The following DST variants were observed in gnomAD, a reference collection of about 807,000 sequenced individuals.
The protein encoded by DST is bullous pemphigoid antigen.
Under a neutral mutation model 875.2 loss-of-function variants are expected in DST, and 253 were observed. That is an observed-to-expected ratio of 0.29 (90% CI 0.26 to 0.32). The LOEUF is 0.32. Among genes scored for constraint, DST ranks in the 10% least tolerant of loss-of-function variants. The pLI is 1.00. For missense variants in DST, 8,287 were observed against 9,111.6 expected, an observed-to-expected ratio of 0.91 and a Z score of 3.68; for synonymous variants, 3,124 against 3,197.1, an observed-to-expected ratio of 0.98 and a Z score of 0.77.
At chr6:56,778,326 TGCCCAGA>T (rs1473665115) in intron 4 of DST, among the ~76,000 whole-genome samples, 1 of 150,520 alleles carries the variant, frequency 6.6e-6, no homozygotes. Flanking sequence ...GGCCTACTGG[TGCCCAGA>T]GTCTTCCTTA....
In DST at chr6:56,493,068, T is replaced by C; in HGVS notation, c.20416A>G (p.Asn6806Asp). Residue 6806 changes from asparagine (N) to aspartate (D), a missense_variant, in exon 84 of 104, where the codon AAC (asparagine) becomes GAC (aspartate). Around this residue, in one of 10 missense-constraint regions of DST, gnomAD observed 1,292 missense variants for 1,552.7 expected, o/e 0.83. Transcript: ENST00000680361. ...ERKTKLEEAL[N>D]LAMEFHNSLQ... ...GAATTGTGGAACTCCATTGCCAAGT[T>C]GAGAGCCTCTTCCAGTTTAGTCTGC... 1 of 1,611,908 alleles carries C rather than the reference T, an allele frequency of 6.2e-7. No homozygotes were observed. The highest frequency in any genetic ancestry group is 8.5e-7 in the Non-Finnish European group (1 of 1,178,876).
chr6:56,735,400 T>C (rs1589379751), intron 4 of DST, 111 bp from the exon 5 acceptor site: 1 of 715,902 alleles, frequency 1.4e-6, no homozygotes, highest in East Asian at 2.8e-5. Context: ...TGCTTCAGTG[T>C]ATTCAAAGTT....
Position 56,581,663 on chromosome 6 carries a change from C to A in DST, c.12904-2726G>T, listed in dbSNP as rs138240273. Among the ~76,000 whole-genome samples the A allele has an allele frequency of 3.3e-5, 5 of 152,310 alleles. No homozygotes were observed. The East Asian group carries it at 9.7e-4, about 29-fold the overall frequency. ...GCTGCCTGGCCACACAGGCCTATTC[C>A]CAGCTTTAATTTATCTTAAGCAACT... On this transcript the variant is annotated intron_variant, in intron 49 of 103. Transcript: ENST00000680361.
chr6:56,708,912 C>T (rs890593475), intron 5 of DST, among the ~76,000 whole-genome samples: 3 of 152,160 alleles, frequency 2.0e-5, no homozygotes, highest in African/African-American at 7.2e-5. Flanking sequence ...GATGACTATA[C>T]TAACCGCCAA....
intron 45 of DST, 141 bp from the exon 46 acceptor site, chr6:56,598,850 T>C (rs1379712779): frequency 4.6e-6 from 2 of 431,000 alleles, no homozygotes; most frequent in Non-Finnish European, 8.0e-6. Context: ...GTATGTTAAT[T>C]TGAGTTTCAA....
In DST at chr6:56,735,875, T is replaced by C. The variant is rs56122633; in HGVS notation, c.626-586A>G. Among the ~76,000 whole-genome samples the C allele has an allele frequency of 6.6e-3, 1,000 of 152,176 alleles. 6 individuals carry two copies. The highest frequency in any genetic ancestry group is 0.022 in the African/African-American group (903 of 41,504). ...AATTTATTATTATTATTATTTGATATGGAATCTCACTCTGTCACCCAGGCT... is the reference window on the plus strand; with the variant it reads ...AATTTATTATTATTATTATTTGATACGGAATCTCACTCTGTCACCCAGGCT... On this transcript the variant is annotated intron_variant, in intron 4 of 103. Transcript: ENST00000680361.
At chr6:56,548,149 C>A (rs1236567268) in intron 61 of DST, among the ~76,000 whole-genome samples, 1 of 152,160 alleles carries the variant, frequency 6.6e-6, no homozygotes, top group Admixed American at 6.5e-5. Flanking sequence ...TCTTAGGCCA[C>A]CCATAAAATA....
At chr6:56,801,747 A>ATTTTTTTT (rs200681543) in intron 4 of DST, among the ~76,000 whole-genome samples, 1 of 132,370 alleles carries the variant, frequency 7.6e-6, no homozygotes, top group Non-Finnish European at 1.6e-5. Context: ...TCACACAATA[A>ATTTTTTTT]TTTTTTTTTT....
Position 56,487,945 on chromosome 6 carries a change from C to T in DST, c.20878-672G>A, listed in dbSNP as rs142842314. Among the ~76,000 whole-genome samples the T allele has an allele frequency of 3.4e-3, 512 of 152,254 alleles. 3 individuals are homozygous for T. The highest frequency in any genetic ancestry group is 0.012 in the African/African-American group (483 of 41,556). On this transcript the variant is annotated intron_variant, in intron 86 of 103. Coordinates refer to ENST00000680361, the MANE Select transcript of DST (RefSeq NM_001374736.1). Reference sequence around the variant, plus strand: ...GATAGTAAAATGCTATGCAAATGTACACTTTTCTAAAATAATCTCAAGGTT... The same window carrying T: ...GATAGTAAAATGCTATGCAAATGTATACTTTTCTAAAATAATCTCAAGGTT...
intron 4 of DST, among the ~76,000 whole-genome samples, chr6:56,834,961 G>A (rs143029700): frequency 3.3e-5 from 5 of 152,260 alleles, no homozygotes; most frequent in East Asian, 3.9e-4. Flanking sequence ...TCCTTCAGTC[G>A]GTGAATGGAT....
chr6:56,586,174 C>G (rs2098143727), intron 49 of DST, among the ~76,000 whole-genome samples: 1 of 151,880 alleles, frequency 6.6e-6, no homozygotes, highest in African/African-American at 2.4e-5. Context: ...TCTCGTTGAT[C>G]TGTCTAATGT....
Position 56,517,395 on chromosome 6 carries a change from C to T in DST, c.18250-90G>A, listed in dbSNP as rs952609183. The T allele has an allele frequency of 1.3e-4, 212 of 1,580,178 alleles. 2 individuals carry two copies. Among genetic ancestry groups the T allele is most frequent in the Middle Eastern group, 8.3e-4 (5 of 5,990 alleles). On this transcript the variant is annotated intron_variant, in intron 70 of 103. Transcript: ENST00000680361. ...TTAGGCTAAGTAGTTAAAAATATCA[C>T]GTTACACTAGAGGGGTCTTAAAAAG...
chr6:56,728,650 C>T (rs1422425744), intron 5 of DST, among the ~76,000 whole-genome samples: 3 of 151,850 alleles, frequency 2.0e-5, no homozygotes, highest in East Asian at 1.9e-4. Flanking sequence ...CACTCCAGCA[C>T]GGGTGACAGA....
chr6:56,893,562 CTTTTTTTTTTT>C (rs1282483681), intron 3 of DST, among the ~76,000 whole-genome samples: 6 of 35,910 alleles, frequency 1.7e-4, no homozygotes, highest in Admixed American at 5.4e-4. Flanking sequence ...ACTTTTAGTT[CTTTTTTTTTTT>C]TTTTTTTTTT....
At chr6:56,587,246 G>A (rs62412519) in intron 49 of DST, among the ~76,000 whole-genome samples, 11 of 151,512 alleles carry the variant, frequency 7.3e-5, no homozygotes, top group Admixed American at 1.3e-4. Flanking sequence ...GCCAAGGCTC[G>A]AGAACTACGT....
chr6:56,587,198 A>C (rs1239822661), intron 49 of DST, among the ~76,000 whole-genome samples: 3 of 152,104 alleles, frequency 2.0e-5, no homozygotes, highest in African/African-American at 7.2e-5. Flanking sequence ...AGAATAACCA[A>C]TACAGAGAAG....
At chr6:56,706,595 T>G (rs2099339833) in intron 5 of DST, among the ~76,000 whole-genome samples, 1 of 152,214 alleles carries the variant, frequency 6.6e-6, no homozygotes, top group African/African-American at 2.4e-5. Context: ...GAGACAGTTT[T>G]TCCACAGATG....
rs1563813807 is a variant in DST, at chr6:56,712,100, A to AAAAAAAAAAAAAAAAAAAC, written c.688-7732_688-7731insGTTTTTTTTTTTTTTTTTT. ...AGCGAGACTCCGTCTCAAAAAAAAA[A>AAAAAAAAAAAAAAAAAAAC]AAAAAATAGGAGGAGGTATTTTAGA... is the stretch of plus-strand genomic sequence containing the variant. On this transcript the variant is annotated intron_variant, in intron 5 of 103. Transcript: ENST00000680361. Among the ~76,000 whole-genome samples the AAAAAAAAAAAAAAAAAAAC allele has an allele frequency of 1.4e-3, 212 of 148,090 alleles. 5 individuals are homozygous for AAAAAAAAAAAAAAAAAAAC. Among genetic ancestry groups the AAAAAAAAAAAAAAAAAAAC allele is most frequent in the African/African-American group, 5.2e-3 (203 of 38,790 alleles).
intron 2 of DST, among the ~76,000 whole-genome samples, chr6:56,951,050 AT>A (rs1224633160): frequency 6.6e-6 from 1 of 152,058 alleles, no homozygotes; most frequent in East Asian, 1.9e-4. Flanking sequence ...TGGTGCGATG[AT>A]TTTTTCTCTA....
Sources: gnomAD v4.1 joint callset for allele counts (sites outside exome capture counted in the v4.1 genomes callset) on GRCh38, gnomAD v4.1.1 for gene constraint, gnomAD v4.1.1 regional missense constraint, MANE v1.5 for transcripts, NCBI Gene and HGNC (gene_info 2026-07-23, HGNC 2026-07-21) for gene names.